The following HABP4 variants were observed in gnomAD, a reference collection of about 807,000 sequenced individuals.
HABP4 encodes the protein intracellular hyaluronan-binding protein 4.
HABP4 carries 32 observed loss-of-function variants against 44.1 expected under a neutral mutation model. That is an observed-to-expected ratio of 0.73 (90% confidence interval 0.55 to 0.97). The LOEUF (loss-of-function observed/expected upper bound fraction) is 0.97, where lower values mean the gene tolerates loss of function less well. HABP4 is among the 50% of genes least tolerant of loss of function. HABP4 has a pLI of 0.00. For synonymous variants in HABP4, 216 were observed against 218.0 expected (o/e 0.99, Z 0.08); for missense variants, 503 against 561.9 (o/e 0.90, Z 1.06).
intron 1 of HABP4, among the ~76,000 whole-genome samples, chr9:96,456,476 T>C (rs1238915093): frequency 6.6e-6 from 1 of 151,820 alleles, no homozygotes; most frequent in Non-Finnish European, 1.5e-5. Context: ...AAAATATAAC[T>C]GTGGCCAAGG....
At chr9:96,480,980 A>G (rs1389625072) in intron 5 of HABP4, among the ~76,000 whole-genome samples, 1 of 152,176 alleles carries the variant, frequency 6.6e-6, no homozygotes, top group African/African-American at 2.4e-5. Flanking sequence ...GATTTTGCTT[A>G]TATTTTTCAT....
At chr9:96,480,155 A>G (rs1832850668) in intron 5 of HABP4, among the ~76,000 whole-genome samples, 1 of 152,126 alleles carries the variant, frequency 6.6e-6, no homozygotes, top group South Asian at 2.1e-4. Flanking sequence ...AGCCTGGGTG[A>G]CAGAGTGAGA....
chr9:96,450,677 G>T lies in HABP4; in HGVS notation c.349+49G>T. ...CGGACCACGGCTCGGCCCGCTGTGA[G>T]ACTGGGGTCCCGGGGGCCGGTTTCA... On this transcript the variant is annotated intron_variant, in intron 1 of 7. Coordinates refer to ENST00000375249, the MANE Select transcript of HABP4 (RefSeq NM_014282.4). The surrounding 1 kb of genome is among the most constrained non-coding windows in gnomAD (Gnocchi z 4.8). 1.6e-6 allele frequency: 2 copies of T among 1,226,692 alleles called. No homozygotes were observed. The highest frequency in any genetic ancestry group is 7.2e-5 in the South Asian group (2 of 27,870). The allele number at this position is 1,226,692 out of a possible 1,614,324, so 76.0% of individuals were successfully genotyped here.
intron 1 of HABP4, chr9:96,451,518 T>C: frequency 1.0e-6 from 1 of 972,412 alleles, no homozygotes; most frequent in Non-Finnish European, 1.2e-6. Flanking sequence ...GATGTGTAGG[T>C]TGACCATTCC....
At chr9:96,462,745 G>A (rs1349904071) in intron 2 of HABP4, among the ~76,000 whole-genome samples, 1 of 152,006 alleles carries the variant, frequency 6.6e-6, no homozygotes, top group Non-Finnish European at 1.5e-5. Context: ...GGGCGACATG[G>A]TGAAACCCGC....
At chr9:96,463,512 C>T (rs1011927916) in intron 2 of HABP4, among the ~76,000 whole-genome samples, 1 of 152,184 alleles carries the variant, frequency 6.6e-6, no homozygotes, top group Non-Finnish European at 1.5e-5. Flanking sequence ...GTCTCGGCTT[C>T]CCAAAGTGCT....
chr9:96,489,666 G>C (rs1196258546), intron 7 of HABP4, among the ~76,000 whole-genome samples: 2 of 152,218 alleles, frequency 1.3e-5, no homozygotes, highest in African/African-American at 2.4e-5. Flanking sequence ...GGCACTGTCT[G>C]TGCTCCTCCA....
At chr9:96,472,040 C>G (rs1411867158) in intron 5 of HABP4, among the ~76,000 whole-genome samples, 1 of 152,124 alleles carries the variant, frequency 6.6e-6, no homozygotes, top group East Asian at 1.9e-4. Flanking sequence ...CCGCCCATCT[C>G]AGCCTCCCAA....
chr9:96,454,448 CTTTT>C (rs994572427), intron 1 of HABP4, among the ~76,000 whole-genome samples: 1 of 127,320 alleles, frequency 7.9e-6, no homozygotes, highest in African/African-American at 2.9e-5. Context: ...GTTCTGAACT[CTTTT>C]TTTTTTTTTT....
Position 96,450,191 on chromosome 9 carries a change from C to G in HABP4, c.-89C>G, listed in dbSNP as rs952562156. On this transcript the variant is annotated 5_prime_UTR_variant, in exon 1 of 8. Transcript: ENST00000375249. The surrounding 1 kb of genome is among the most constrained non-coding windows in gnomAD (Gnocchi z 4.8). Reference sequence around the variant, plus strand: ...GGTAGGGCCCGGAGGGCGGTGGCGGCGGAGCGGGCGGCATGGGTCCTGGCC... The same window carrying G: ...GGTAGGGCCCGGAGGGCGGTGGCGGGGGAGCGGGCGGCATGGGTCCTGGCC... The G allele has an allele frequency of 8.4e-7, 1 of 1,197,442 alleles. No individual in the cohort carries two copies. The allele number at this position is 1,197,442 out of a possible 1,614,324, so 74.2% of individuals were successfully genotyped here.
intron 1 of HABP4, among the ~76,000 whole-genome samples, chr9:96,457,509 A>G (rs1275812070): frequency 6.6e-6 from 1 of 152,242 alleles, no homozygotes; most frequent in Non-Finnish European, 1.5e-5. Flanking sequence ...GCAAGTCTAT[A>G]TATCTCATAG....
intron 6 of HABP4, among the ~76,000 whole-genome samples, chr9:96,487,317 TTG>T (rs549795684): frequency 4.0e-5 from 6 of 151,080 alleles, no homozygotes; most frequent in East Asian, 3.9e-4. Context: ...AGTGGGGTTT[TTG>T]TGTGTGTGTG....
intron 4 of HABP4, among the ~76,000 whole-genome samples, chr9:96,468,207 C>G (rs987413981): frequency 1.3e-4 from 20 of 151,892 alleles, no homozygotes; most frequent in African/African-American, 4.4e-4. Flanking sequence ...CTCAGCTTCC[C>G]GAGCAGCTAG....
intron 5 of HABP4, chr9:96,483,790 A>G (rs1194962294): frequency 6.6e-6 from 1 of 152,186 alleles, no homozygotes; most frequent in East Asian, 1.9e-4. Context: ...GTTTTCTGCT[A>G]AGAGTTTTAT....
intron 1 of HABP4, among the ~76,000 whole-genome samples, chr9:96,453,087 ATTTTTT>A (rs898977695): frequency 5.3e-4 from 49 of 92,580 alleles, no homozygotes; most frequent in African/African-American, 2.2e-3. Flanking sequence ...TGCCCGGCTA[ATTTTTT>A]TTTTTTTTTT....
At chr9:96,471,989 A>G (rs1832706354) in intron 5 of HABP4, among the ~76,000 whole-genome samples, 2 of 152,044 alleles carry the variant, frequency 1.3e-5, no homozygotes, top group Admixed American at 6.6e-5. Context: ...GGGTTTCTCC[A>G]TGTTGATCAG....
intron 4 of HABP4, among the ~76,000 whole-genome samples, chr9:96,470,411 G>A (rs1469759504): frequency 2.6e-5 from 4 of 152,094 alleles, no homozygotes; most frequent in Admixed American, 2.0e-4. Context: ...GATCACAGGC[G>A]TGAGCCACCC....
rs760360530 is a variant in HABP4, at chr9:96,465,705, C to T, written c.675-5C>T. 4.0e-5 allele frequency: 63 copies of T among 1,582,968 alleles called. No homozygotes were observed. Among genetic ancestry groups the T allele is most frequent in the South Asian group, 6.6e-5 (6 of 90,460 alleles). ...GGTTTAAGGGACTATTCTTTCTTTC[C>T]GTAGAGCAGTCAGAACTGAAGACAA... On this transcript the variant is annotated splice_polypyrimidine_tract_variant and splice_region_variant and intron_variant, in intron 3 of 7. Coordinates refer to ENST00000375249, the MANE Select transcript of HABP4 (RefSeq NM_014282.4).
At chr9:96,473,355 C>G (rs369743192) in intron 5 of HABP4, among the ~76,000 whole-genome samples, 1 of 152,194 alleles carries the variant, frequency 6.6e-6, no homozygotes, top group South Asian at 2.1e-4. Context: ...ATCCTTGGAA[C>G]TTCTGTCTTC....
Sources: gnomAD v4.1 joint callset for allele counts (sites outside exome capture counted in the v4.1 genomes callset) on GRCh38, gnomAD v4.1.1 for gene constraint, Gnocchi (gnomAD v3.1) non-coding constraint, MANE v1.5 for transcripts, NCBI Gene and HGNC (gene_info 2026-07-23, HGNC 2026-07-21) for gene names.